Variants in FER observed in about 807,000 individuals in gnomAD.
FER encodes the protein tyrosine-protein kinase Fer.
A neutral mutation model predicts 111.0 loss-of-function variants in FER; 63 were observed. That is an observed-to-expected ratio of 0.57 (90% CI 0.46 to 0.70). FER has a LOEUF of 0.70. FER is among the 30% of genes least tolerant of loss of function. The pLI is 0.00. For synonymous variants in FER, 327 were observed against 313.9 expected (o/e 1.04, Z -0.44); for missense variants, 914 against 954.0 (o/e 0.96, Z 0.55).
At chr5:109,093,261 T>G (rs1230607333) in intron 16 of FER, among the ~76,000 whole-genome samples, 1 of 152,190 alleles carries the variant, frequency 6.6e-6, no homozygotes, top group Non-Finnish European at 1.5e-5. Flanking sequence ...ATTTATGTGG[T>G]TTTTACCACA....
intron 14 of FER, among the ~76,000 whole-genome samples, chr5:109,040,769 A>G (rs1298552334): frequency 6.6e-6 from 1 of 152,094 alleles, no homozygotes; most frequent in Admixed American, 6.6e-5. Context: ...TGCAGTTGGG[A>G]ATGATCTAGT....
At chr5:108,854,481 C>T (rs1247689204) in intron 5 of FER, among the ~76,000 whole-genome samples, 1 of 152,178 alleles carries the variant, frequency 6.6e-6, no homozygotes, top group Non-Finnish European at 1.5e-5. Context: ...CAGCTAAGAA[C>T]CTGTGCCTTT....
chr5:108,963,673 C>T (rs964214374), intron 13 of FER, among the ~76,000 whole-genome samples: 2 of 152,094 alleles, frequency 1.3e-5, no homozygotes, highest in Admixed American at 6.6e-5. Flanking sequence ...AGCTTTTTAC[C>T]AGAATGTCAT....
intron 17 of FER, among the ~76,000 whole-genome samples, chr5:109,176,399 G>A (rs78476617): frequency 0.024 from 3,601 of 152,200 alleles, 69 homozygotes; most frequent in East Asian, 0.074. Context: ...TAAATACTGC[G>A]TGTTCTCACT....
chr5:109,071,847 G>GA (rs1458169966), intron 16 of FER, among the ~76,000 whole-genome samples: 2 of 151,636 alleles, frequency 1.3e-5, no homozygotes, highest in Non-Finnish European at 3.0e-5. Flanking sequence ...GGAGAAACTG[G>GA]AAAAAAGCCA....
intron 2 of FER, among the ~76,000 whole-genome samples, chr5:108,776,569 T>A (rs1463640250): frequency 1.3e-5 from 2 of 152,158 alleles, no homozygotes; most frequent in African/African-American, 4.8e-5. Flanking sequence ...TCACAAGAAA[T>A]ACTGTGGGAA....
At chr5:108,896,970 G>A (rs930330862) in intron 9 of FER, among the ~76,000 whole-genome samples, 3 of 152,178 alleles carry the variant, frequency 2.0e-5, no homozygotes, top group Admixed American at 6.5e-5. Flanking sequence ...TGGCTTCAAT[G>A]TGGGTGAATT....
intron 1 of FER, among the ~76,000 whole-genome samples, chr5:108,765,659 A>G (rs1284397379): frequency 6.6e-6 from 1 of 152,222 alleles, no homozygotes; most frequent in African/African-American, 2.4e-5. Context: ...GGTCTGTGGA[A>G]ATAACCATTT....
chr5:109,059,551 T>G (rs1180718982), intron 16 of FER, among the ~76,000 whole-genome samples: 1 of 151,928 alleles, frequency 6.6e-6, no homozygotes, highest in East Asian at 1.9e-4. Context: ...CAAAAAACAA[T>G]TATGGGATCT....
intron 8 of FER, among the ~76,000 whole-genome samples, chr5:108,882,202 A>G (rs953172577): frequency 6.6e-6 from 1 of 152,174 alleles, no homozygotes; most frequent in African/African-American, 2.4e-5. Flanking sequence ...ATAATTTTCT[A>G]ATTTAAAATT....
intron 5 of FER, among the ~76,000 whole-genome samples, chr5:108,849,478 GTT>G (rs1240022019): frequency 2.4e-4 from 36 of 151,510 alleles, no homozygotes; most frequent in African/African-American, 8.2e-4. Context: ...TGTTGTTGTT[GTT>G]TTGTTTTGTT....
chr5:109,069,562 T>C lies in FER; in HGVS notation c.1924+22364T>C, dbSNP rs3797835. On this transcript the variant is annotated intron_variant, in intron 16 of 19. Transcript: ENST00000281092. ...CTCTACCCCCTGAGTATATTGAAGA[T>C]AGATTTATGAAGAGTTTAATTTTAA... Among the ~76,000 whole-genome samples, 26 of 152,228 alleles carry C rather than the reference T, an allele frequency of 1.7e-4. No individual in the cohort carries two copies. The East Asian group carries it at 5.0e-3, about 29-fold the overall frequency.
intron 17 of FER, among the ~76,000 whole-genome samples, chr5:109,164,489 A>G (rs1175230614): frequency 1.3e-5 from 2 of 152,122 alleles, no homozygotes; most frequent in Admixed American, 6.6e-5. Context: ...TCCATCTATT[A>G]CATGTTTTAT....
At chr5:108,958,503 A>G (rs1020970965) in intron 12 of FER, among the ~76,000 whole-genome samples, 3 of 151,798 alleles carry the variant, frequency 2.0e-5, no homozygotes, top group Non-Finnish European at 3.0e-5. Context: ...TCATAGGCCA[A>G]TTTGAAATAT....
chr5:108,780,127 G>C (rs574418597), intron 2 of FER, among the ~76,000 whole-genome samples: 1 of 152,254 alleles, frequency 6.6e-6, no homozygotes, highest in African/African-American at 2.4e-5. Context: ...TTATGTGTTA[G>C]ATCAATTGAG....
chr5:108,785,692 C>T, intron 2 of FER: 1 of 331,072 alleles, frequency 3.0e-6, no homozygotes, highest in South Asian at 2.7e-5. Flanking sequence ...ATCTCTCTTG[C>T]TGGTGGTGTC....
At chr5:108,884,512 GT>G (rs776345488) in intron 9 of FER, among the ~76,000 whole-genome samples, 1 of 144,522 alleles carries the variant, frequency 6.9e-6, no homozygotes. Flanking sequence ...CTTATGCCTG[GT>G]TTTTTTTTTG....
At chr5:108,887,577 A>G (rs192113175) in intron 9 of FER, among the ~76,000 whole-genome samples, 2 of 151,764 alleles carry the variant, frequency 1.3e-5, no homozygotes, top group Non-Finnish European at 3.0e-5. Flanking sequence ...TTATAAAAAA[A>G]TTTTAATGTA....
intron 13 of FER, among the ~76,000 whole-genome samples, chr5:109,019,213 A>G (rs1767601817): frequency 6.6e-6 from 1 of 151,540 alleles, no homozygotes; most frequent in African/African-American, 2.4e-5. Flanking sequence ...TCAGTTTTAT[A>G]CTCCATTAAT....
Sources: allele counts gnomAD v4.1 joint callset (sites outside exome capture counted in the v4.1 genomes callset), GRCh38; gene constraint gnomAD v4.1.1; transcripts MANE v1.5; gene names NCBI Gene and HGNC (gene_info 2026-07-23, HGNC 2026-07-21).